Variants in CRISPLD2 observed in about 807,000 individuals in gnomAD.
CRISPLD2 encodes cysteine-rich secretory protein LCCL domain-containing 2.
Under a neutral mutation model 71.1 loss-of-function variants are expected in CRISPLD2, and 47 were observed. The observed-to-expected ratio is 0.66, with a 90% confidence interval of 0.52 to 0.84. The LOEUF is 0.84. CRISPLD2 is among the 40% of genes least tolerant of loss of function. The pLI is 0.00. For synonymous variants in CRISPLD2, 317 were observed against 250.1 expected, an observed-to-expected ratio of 1.27 and a Z score of -2.52; for missense variants, 830 against 651.1, an observed-to-expected ratio of 1.27 and a Z score of -2.99.
At chr16:84,863,435 G>C (rs913768452) in intron 6 of CRISPLD2, among the ~76,000 whole-genome samples, 1 of 152,192 alleles carries the variant, frequency 6.6e-6, no homozygotes, top group Non-Finnish European at 1.5e-5. Context: ...GTAAGGCCTT[G>C]ACCTCTAACG....
chr16:84,836,721 C>A (rs1195618862), intron 1 of CRISPLD2, among the ~76,000 whole-genome samples: 1 of 152,152 alleles, frequency 6.6e-6, no homozygotes, highest in Non-Finnish European at 1.5e-5. Flanking sequence ...ATCTACATCT[C>A]CCCACCCCGG....
At chr16:84,886,211 C>T (rs140705168) in intron 13 of CRISPLD2, among the ~76,000 whole-genome samples, 1 of 152,104 alleles carries the variant, frequency 6.6e-6, no homozygotes, top group Non-Finnish European at 1.5e-5. Flanking sequence ...TCAAAGAGCC[C>T]GCCTCTCTTC....
At chr16:84,842,557 A>G (rs1435788254) in intron 2 of CRISPLD2, among the ~76,000 whole-genome samples, 1 of 151,442 alleles carries the variant, frequency 6.6e-6, no homozygotes, top group Non-Finnish European at 1.5e-5. Flanking sequence ...TATTTCTGGT[A>G]GAGGCGGGGT....
chr16:84,854,783 C>T lies in CRISPLD2; in HGVS notation c.663C>T (p.Cys221=). 1 of 1,614,128 alleles carries T rather than the reference C, an allele frequency of 6.2e-7. No homozygotes were observed. Among genetic ancestry groups the T allele is most frequent in the Non-Finnish European group, 8.5e-7 (1 of 1,179,998 alleles). ...PYKNGRPCSE[C]PPSYGGSCRN... ...AGAATGGCCGGCCCTGCTCTGAGTG[C>T]CCACCCAGCTATGGAGGCAGCTGCA... Residue 221 remains cysteine, a synonymous_variant, in exon 6 of 15, where the codon TGC becomes TGT. Transcript: ENST00000262424.
At chr16:84,897,703 G>GC (rs1245448314) in intron 14 of CRISPLD2, among the ~76,000 whole-genome samples, 9 of 151,942 alleles carry the variant, frequency 5.9e-5, no homozygotes, top group Non-Finnish European at 1.3e-4. Flanking sequence ...TGCAACCTCT[G>GC]CCCCGCAGGT....
At chr16:84,898,190 C>G (rs1236504395) in intron 14 of CRISPLD2, among the ~76,000 whole-genome samples, 2 of 152,236 alleles carry the variant, frequency 1.3e-5, no homozygotes, top group Non-Finnish European at 2.9e-5. Flanking sequence ...CTTCCTCTTA[C>G]CAGAACAGCC....
chr16:84,895,213 C>G (rs986993037), intron 14 of CRISPLD2, among the ~76,000 whole-genome samples: 19 of 152,138 alleles, frequency 1.2e-4, no homozygotes, highest in Non-Finnish European at 2.6e-4. Flanking sequence ...ACGACTTGCC[C>G]AAGGTCACCC....
chr16:84,838,474 T>C lies in CRISPLD2; in HGVS notation c.-22T>C, dbSNP rs369116191. The C allele has an allele frequency of 3.1e-6, 5 of 1,608,834 alleles. No homozygotes were observed. In the African/African-American group the frequency reaches 5.3e-5, roughly 17 times the overall value. ...AGCCCAGGCTGCCCCGTGAGTCCCA[T>C]AGTTGCTGCAGGAGTGGAGCCATGA... On this transcript the variant is annotated 5_prime_UTR_variant, in exon 2 of 15. Transcript: ENST00000262424.
intron 5 of CRISPLD2, among the ~76,000 whole-genome samples, chr16:84,853,526 C>CT (rs1431072075): frequency 1.3e-5 from 2 of 152,212 alleles, no homozygotes; most frequent in African/African-American, 4.8e-5. Flanking sequence ...CCCACTGTCC[C>CT]TCCCCTGCCC....
At chr16:84,874,417 C>T (rs770344396) in intron 11 of CRISPLD2, among the ~76,000 whole-genome samples, 24 of 152,190 alleles carry the variant, frequency 1.6e-4, no homozygotes, top group Non-Finnish European at 2.6e-4. Context: ...ACTTACTTGC[C>T]ATCTCTGGCC....
In CRISPLD2 at chr16:84,838,696, G is replaced by A. The variant is rs989220575; in HGVS notation, c.201G>A (p.Arg67=). The change falls in exon 2 of 15, where the codon CGG becomes CGA. Residue 67 remains arginine (R), a synonymous_variant. Transcript: ENST00000262424. ...EEILMLHNKL[R]GQVQPQASNM... ...TCCTCATGCTGCACAACAAGCTTCG[G>A]GGCCAGGTGCAGCCTCAGGCCTCCA... The A allele has an allele frequency of 1.2e-6, 2 of 1,613,952 alleles. No homozygotes were observed. Among genetic ancestry groups the A allele is most frequent in the Non-Finnish European group, 1.7e-6 (2 of 1,180,044 alleles).
At chr16:84,893,229 T>A (rs2143359177) in intron 14 of CRISPLD2, among the ~76,000 whole-genome samples, 1 of 152,190 alleles carries the variant, frequency 6.6e-6, no homozygotes, top group African/African-American at 2.4e-5. Context: ...CTCTAATGGG[T>A]TGCCATGAGA....
At chr16:84,854,966 C>T (rs569077146) in intron 6 of CRISPLD2, 137 bp downstream of exon 6, 6 of 691,846 alleles carry the variant, frequency 8.7e-6, no homozygotes, top group South Asian at 5.0e-5. Context: ...CAGCACATTC[C>T]TCCCGCCTCC....
At chr16:84,853,856 G>A (rs111976075) in intron 5 of CRISPLD2, among the ~76,000 whole-genome samples, 1 of 152,226 alleles carries the variant, frequency 6.6e-6, no homozygotes, top group East Asian at 1.9e-4. Context: ...CCGAGGCTGG[G>A]GCTGGAGGAG....
intron 6 of CRISPLD2, among the ~76,000 whole-genome samples, chr16:84,857,119 G>A (rs946684805): frequency 6.6e-6 from 1 of 152,210 alleles, no homozygotes; most frequent in South Asian, 2.1e-4. Context: ...GGTCTTTGCT[G>A]CTGGCAAATT....
chr16:84,845,740 C>G (rs1916895156), intron 2 of CRISPLD2, 46 bp from the exon 3 acceptor site: 2 of 1,308,114 alleles, frequency 1.5e-6, no homozygotes, highest in African/African-American at 2.9e-5. Context: ...TCTTATGCCC[C>G]TCCCTCACCC....
At chr16:84,831,229 A>G (rs1195208551) in intron 1 of CRISPLD2, among the ~76,000 whole-genome samples, 1 of 152,184 alleles carries the variant, frequency 6.6e-6, no homozygotes, top group Non-Finnish European at 1.5e-5. Context: ...TGAATCACCA[A>G]ATACATTTGC....
intron 1 of CRISPLD2, among the ~76,000 whole-genome samples, chr16:84,821,751 T>G (rs1322476359): frequency 6.6e-6 from 1 of 152,096 alleles, no homozygotes; most frequent in Non-Finnish European, 1.5e-5. Context: ...TCTTAAGATG[T>G]GAGAGTAGGA....
At chr16:84,885,340 G>A (rs190179000) in intron 13 of CRISPLD2, among the ~76,000 whole-genome samples, 26 of 152,376 alleles carry the variant, frequency 1.7e-4, no homozygotes, top group Non-Finnish European at 3.2e-4. Context: ...TGAGATGGAT[G>A]CAAAGTTATT....
Sources: allele counts gnomAD v4.1 joint callset (sites outside exome capture counted in the v4.1 genomes callset), GRCh38; gene constraint gnomAD v4.1.1; transcripts MANE v1.5; gene names NCBI Gene and HGNC (gene_info 2026-07-23, HGNC 2026-07-21).